The following CLSTN1 variants were observed in gnomAD, a reference collection of about 807,000 sequenced individuals.
CLSTN1 encodes the protein calsyntenin-1.
In CLSTN1, 28 loss-of-function variants were observed where a neutral mutation model predicts 108.3. The observed-to-expected ratio is 0.26, with a 90% confidence interval of 0.19 to 0.35. The LOEUF is 0.35. Ranked by LOEUF, CLSTN1 falls within the 10% of genes least tolerant of loss-of-function variation. CLSTN1 has a pLI of 1.00. For synonymous variants in CLSTN1, 524 were observed against 534.9 expected, an observed-to-expected ratio of 0.98 and a Z score of 0.28; for missense variants, 1,157 against 1,302.6, an observed-to-expected ratio of 0.89 and a Z score of 1.72.
At chr1:9,761,322 G>C (rs909587448) in intron 2 of CLSTN1, among the ~76,000 whole-genome samples, 2 of 152,034 alleles carry the variant, frequency 1.3e-5, no homozygotes, top group African/African-American at 4.8e-5. Flanking sequence ...GTGAAATCCT[G>C]TCTCTACCAA....
chr1:9,754,444 A>C (rs1161979033), intron 4 of CLSTN1, among the ~76,000 whole-genome samples: 1 of 152,142 alleles, frequency 6.6e-6, no homozygotes, highest in African/African-American at 2.4e-5. Flanking sequence ...CTGTAATCCC[A>C]GCTACTCGGG....
intron 4 of CLSTN1, among the ~76,000 whole-genome samples, chr1:9,754,516 G>A (rs1651719043): frequency 6.6e-6 from 1 of 151,986 alleles, no homozygotes; most frequent in South Asian, 2.1e-4. Context: ...CCAAGATCGT[G>A]CCACTACACT....
At chr1:9,800,528 G>GCTA (rs1015020910) in intron 1 of CLSTN1, among the ~76,000 whole-genome samples, 2 of 144,502 alleles carry the variant, frequency 1.4e-5, no homozygotes, top group Non-Finnish European at 3.0e-5. Flanking sequence ...GACCATCCTG[G>GCTA]CTAATACAGT....
At chr1:9,776,788 CTCTATCTA>C (rs137950862) in intron 1 of CLSTN1, among the ~76,000 whole-genome samples, 7 of 151,754 alleles carry the variant, frequency 4.6e-5, no homozygotes, top group South Asian at 2.1e-4. Context: ...ACCCACCTAT[CTCTATCTA>C]TCTATCTATC....
At chr1:9,822,552 AT>A (rs1655228788) in intron 1 of CLSTN1, among the ~76,000 whole-genome samples, 1 of 152,204 alleles carries the variant, frequency 6.6e-6, no homozygotes, top group South Asian at 2.1e-4. Context: ...TTAAAAAAAA[AT>A]CAGAACAACA....
chr1:9,737,584 A>G, intron 10 of CLSTN1, 30 bp from the exon 11 acceptor site: 1 of 1,607,190 alleles, frequency 6.2e-7, no homozygotes, highest in Non-Finnish European at 8.5e-7. Context: ...AGACAATAGA[A>G]AAGGACTGAG....
chr1:9,817,059 A>G (rs1267486537), intron 1 of CLSTN1, among the ~76,000 whole-genome samples: 1 of 152,224 alleles, frequency 6.6e-6, no homozygotes, highest in African/African-American at 2.4e-5. Context: ...GACAGAACGA[A>G]ACAGATGGCT....
intron 1 of CLSTN1, among the ~76,000 whole-genome samples, chr1:9,817,753 T>C (rs967279779): frequency 1.3e-5 from 2 of 152,174 alleles, no homozygotes; most frequent in African/African-American, 4.8e-5. Flanking sequence ...ATTTTTAATC[T>C]AATAATAATA....
chr1:9,737,688 G>C, intron 10 of CLSTN1, 134 bp from the exon 11 acceptor site: 1 of 761,946 alleles, frequency 1.3e-6, no homozygotes, highest in Non-Finnish European at 2.2e-6. Context: ...CCCGCTCTGG[G>C]ATGTACCCAT....
chr1:9,792,601 ACGGGTGT>A lies in CLSTN1; in HGVS notation c.92-19214_92-19208del, dbSNP rs756373112. Among the ~76,000 whole-genome samples the A allele has an allele frequency of 1.1e-4, 16 of 151,524 alleles. 1 individual carries two copies. In the East Asian group the frequency reaches 1.2e-3, roughly 11 times the overall value. On this transcript the variant is annotated intron_variant, in intron 1 of 18. Coordinates refer to ENST00000377298, the MANE Select transcript of CLSTN1 (RefSeq NM_001009566.3). ...ATTACCAGGGACACAGACTCCAGCC[ACGGGTGT>A]CGGGTGTCGGGAACCATGCCCTTGG...
chr1:9,774,624 C>G (rs1652848314), intron 1 of CLSTN1, among the ~76,000 whole-genome samples: 1 of 151,778 alleles, frequency 6.6e-6, no homozygotes, highest in Non-Finnish European at 1.5e-5. Flanking sequence ...CAGCCTCCCT[C>G]TATTATGAGC....
At chr1:9,747,442 G>A (rs934409348) in intron 7 of CLSTN1, among the ~76,000 whole-genome samples, 1 of 152,124 alleles carries the variant, frequency 6.6e-6, no homozygotes, top group Non-Finnish European at 1.5e-5. Flanking sequence ...TCATTGGACT[G>A]TGGCAGCATA....
intron 16 of CLSTN1, among the ~76,000 whole-genome samples, chr1:9,732,766 G>A (rs1164379575): frequency 6.6e-6 from 1 of 152,248 alleles, no homozygotes; most frequent in Non-Finnish European, 1.5e-5. Flanking sequence ...AGCAGCACTG[G>A]TCCTGCCCGT....
At chr1:9,739,176 C>T (rs567262435) in intron 10 of CLSTN1, among the ~76,000 whole-genome samples, 3 of 152,138 alleles carry the variant, frequency 2.0e-5, no homozygotes, top group Non-Finnish European at 4.4e-5. Context: ...TTCAGCATTT[C>T]CTTTGGCAAT....
intron 1 of CLSTN1, among the ~76,000 whole-genome samples, chr1:9,803,253 C>G (rs1484364647): frequency 6.6e-6 from 1 of 152,146 alleles, no homozygotes; most frequent in Non-Finnish European, 1.5e-5. Context: ...TAGATAACCT[C>G]TCAAGGGGAA....
At chr1:9,814,301 A>G (rs1654887130) in intron 1 of CLSTN1, among the ~76,000 whole-genome samples, 1 of 150,924 alleles carries the variant, frequency 6.6e-6, no homozygotes, top group African/African-American at 2.4e-5. Context: ...AGTTCCAGCT[A>G]TTCAGGGGGC....
chr1:9,801,054 C>G (rs918853025), intron 1 of CLSTN1, among the ~76,000 whole-genome samples: 2 of 151,996 alleles, frequency 1.3e-5, no homozygotes, highest in African/African-American at 4.8e-5. Context: ...CGAGACCACC[C>G]TGACCAACAT....
intron 1 of CLSTN1, among the ~76,000 whole-genome samples, chr1:9,798,429 G>A (rs1013411505): frequency 1.1e-4 from 16 of 152,224 alleles, no homozygotes; most frequent in Non-Finnish European, 2.2e-4. Context: ...CAACATGTAC[G>A]AGCCTCAAAA....
chr1:9,799,876 G>T (rs1223774995), intron 1 of CLSTN1, among the ~76,000 whole-genome samples: 2 of 150,674 alleles, frequency 1.3e-5, no homozygotes, highest in South Asian at 4.2e-4. Context: ...GGGAGGCGGA[G>T]GTTGCAGTGA....
Sources: gnomAD v4.1 joint callset for allele counts (sites outside exome capture counted in the v4.1 genomes callset) on GRCh38, gnomAD v4.1.1 for gene constraint, MANE v1.5 for transcripts, NCBI Gene and HGNC (gene_info 2026-07-23, HGNC 2026-07-21) for gene names.